CFAP299: variants seen among roughly 807,000 people sequenced by gnomAD.
The protein encoded by CFAP299 is cilia- and flagella-associated protein 299.
A neutral mutation model predicts 27.0 loss-of-function variants in CFAP299; 21 were observed. The ratio of observed to expected loss-of-function variants is 0.78; its 90% CI spans 0.55 to 1.12. The LOEUF is 1.12. Ranked by LOEUF, CFAP299 falls within the 50% of genes most tolerant of loss-of-function variation. CFAP299 has a pLI of 0.00. For synonymous variants in CFAP299, 104 were observed against 98.1 expected (o/e 1.06, Z -0.36); for missense variants, 310 against 276.6 (o/e 1.12, Z -0.86).
chr4:80,633,982 CTTTTTT>C, intron 3 of CFAP299, among the ~76,000 whole-genome samples: 1 of 115,166 alleles, frequency 8.7e-6, no homozygotes, highest in South Asian at 3.1e-4. Flanking sequence ...GAGGAGAAAA[CTTTTTT>C]TTTTTTTTTT....
At chr4:80,387,725 C>T (rs1265049403) in intron 2 of CFAP299, 3 of 1,582,966 alleles carry the variant, frequency 1.9e-6, no homozygotes, top group African/African-American at 2.7e-5. Context: ...GGCTTCTCAC[C>T]TGTGTGGCTT....
intron 3 of CFAP299, among the ~76,000 whole-genome samples, chr4:80,787,494 G>T (rs1727312107): frequency 6.6e-6 from 1 of 151,824 alleles, no homozygotes; most frequent in Non-Finnish European, 1.5e-5. Context: ...ATTCCTTCTT[G>T]ATTTCCTTAT....
intron 2 of CFAP299, among the ~76,000 whole-genome samples, chr4:80,486,794 G>A (rs1343877860): frequency 6.6e-6 from 1 of 152,206 alleles, no homozygotes; most frequent in Non-Finnish European, 1.5e-5. Flanking sequence ...TATAGCCTCT[G>A]TAGGGGGCAG....
At chr4:80,675,865 C>T (rs1312063643) in intron 3 of CFAP299, among the ~76,000 whole-genome samples, 2 of 152,232 alleles carry the variant, frequency 1.3e-5, no homozygotes, top group African/African-American at 2.4e-5. Context: ...GATATAATCT[C>T]TTCATGTGTT....
intron 3 of CFAP299, among the ~76,000 whole-genome samples, chr4:80,864,476 G>GTATACATATATACACATATA (rs1560452840): frequency 1.5e-5 from 2 of 131,494 alleles, no homozygotes; most frequent in Admixed American, 7.5e-5. Flanking sequence ...ATACCTATGT[G>GTATACATATATACACATATA]TATACATATA....
At position 80,815,818 on chromosome 4, in the gene CFAP299, G is replaced by T. The variant is rs116035703; in HGVS notation, c.334-54175G>T. Among the ~76,000 whole-genome samples the T allele has an allele frequency of 8.0e-4, 121 of 152,008 alleles. 1 individual carries two copies. Among genetic ancestry groups the T allele is most frequent in the Non-Finnish European group, 1.4e-3 (96 of 67,888 alleles). On this transcript the variant is annotated intron_variant, in intron 3 of 5. Coordinates refer to ENST00000358105, the MANE Select transcript of CFAP299 (RefSeq NM_152770.3). ...TGTACGTATGTATAAAATTGAATGCGTAAGTAAAGGGCTAGAAATAGATAC... is the reference window on the plus strand; with the variant it reads ...TGTACGTATGTATAAAATTGAATGCTTAAGTAAAGGGCTAGAAATAGATAC...
chr4:80,351,561 C>G (rs1723015542), intron 1 of CFAP299, among the ~76,000 whole-genome samples: 1 of 151,738 alleles, frequency 6.6e-6, no homozygotes, highest in African/African-American at 2.4e-5. Flanking sequence ...AATATCAAAG[C>G]AAATGGGACT....
Position 80,581,921 on chromosome 4 carries a change from T to C in CFAP299, c.243-1172T>C, listed in dbSNP as rs79219682. Among the ~76,000 whole-genome samples the C allele has an allele frequency of 2.0e-3, 304 of 152,000 alleles. 13 individuals are homozygous for C. The East Asian group carries it at 0.051, about 26-fold the overall frequency. Reference sequence around the variant, plus strand: ...CACACAAACCTTCCCTGAAAGGGGTTGTAAGAATGAGTTCTAAGACCAGAC... The same window carrying C: ...CACACAAACCTTCCCTGAAAGGGGTCGTAAGAATGAGTTCTAAGACCAGAC... On this transcript the variant is annotated intron_variant, in intron 2 of 5. Transcript: ENST00000358105.
chr4:80,358,976 T>G (rs1318329686), intron 1 of CFAP299, among the ~76,000 whole-genome samples: 1 of 152,198 alleles, frequency 6.6e-6, no homozygotes, highest in Non-Finnish European at 1.5e-5. Context: ...CTTTCCATAT[T>G]TATTGCTTCC....
Position 80,864,513 on chromosome 4 carries a change from T to TATATACGTATATATAC in CFAP299, c.334-5464_334-5449dup, listed in dbSNP as rs1477328088. 2.7e-5 allele frequency among the ~76,000 whole-genome samples: 4 copies of TATATACGTATATATAC among 147,514 alleles called. No homozygotes were observed. The East Asian group carries it at 7.8e-4, about 29-fold the overall frequency. On this transcript the variant is annotated intron_variant, in intron 3 of 5. Transcript: ENST00000358105. ...ACACATATATATACATATATACCTA[T>TATATACGTATATATAC]ATATACGTATATATACATATACGTA...
At chr4:80,644,623 T>G (rs981124919) in intron 3 of CFAP299, among the ~76,000 whole-genome samples, 1 of 152,188 alleles carries the variant, frequency 6.6e-6, no homozygotes, top group Non-Finnish European at 1.5e-5. Context: ...GTGGAAACAA[T>G]GTAAGTATTT....
chr4:80,871,042 G>A (rs1487771661), intron 4 of CFAP299: 11 of 435,726 alleles, frequency 2.5e-5, no homozygotes, highest in African/African-American at 6.5e-5. Context: ...ATGCAGCTGG[G>A]ACTACAGGCA....
In CFAP299 at chr4:80,428,189, T is replaced by C. The variant is rs115578753; in HGVS notation, c.242+65305T>C. Among the ~76,000 whole-genome samples, 1,129 of 152,364 alleles carry C rather than the reference T, an allele frequency of 7.4e-3. 9 individuals are homozygous for C. The highest frequency in any genetic ancestry group is 0.026 in the African/African-American group (1,076 of 41,590). On this transcript the variant is annotated intron_variant, in intron 2 of 5. Coordinates refer to ENST00000358105, the MANE Select transcript of CFAP299 (RefSeq NM_152770.3). The stretch of plus-strand genomic sequence containing the variant: ...CCTCTTTTGGTATCTATTCTGATGC[T>C]ATTATTCCTTGGCTACATACTATAT...
At chr4:80,787,291 A>G (rs1727303131) in intron 3 of CFAP299, among the ~76,000 whole-genome samples, 1 of 150,324 alleles carries the variant, frequency 6.7e-6, no homozygotes. Context: ...GTTAATCTCA[A>G]TTTCCCTTTT....
intron 3 of CFAP299, among the ~76,000 whole-genome samples, chr4:80,816,828 C>T (rs556216311): frequency 1.3e-5 from 2 of 152,000 alleles, no homozygotes; most frequent in African/African-American, 2.4e-5. Context: ...CTGCCACTAA[C>T]GATAGCAGAT....
chr4:80,889,198 T>A (rs538957557), intron 4 of CFAP299, among the ~76,000 whole-genome samples: 112 of 138,290 alleles, frequency 8.1e-4, no homozygotes, highest in African/African-American at 3.6e-3. Flanking sequence ...AAATAAAAGT[T>A]TTTTTTTAAA....
chr4:80,765,662 A>G (rs1050759987), intron 3 of CFAP299, among the ~76,000 whole-genome samples: 4 of 152,012 alleles, frequency 2.6e-5, no homozygotes, highest in African/African-American at 7.2e-5. Flanking sequence ...TGTGCACAAC[A>G]TGCAGGTTTG....
intron 2 of CFAP299, among the ~76,000 whole-genome samples, chr4:80,495,120 A>G (rs1333230101): frequency 6.6e-6 from 1 of 152,254 alleles, no homozygotes; most frequent in African/African-American, 2.4e-5. Context: ...TAAGGCATAT[A>G]TAGACAGGCT....
chr4:80,732,452 C>T (rs72864881), intron 3 of CFAP299, among the ~76,000 whole-genome samples: 11,101 of 152,154 alleles, frequency 0.073, 484 homozygotes, highest in Middle Eastern at 0.092. Flanking sequence ...GAAAATGTAT[C>T]TGAGTTTCCA....
Sources: allele counts gnomAD v4.1 joint callset (sites outside exome capture counted in the v4.1 genomes callset), GRCh38; gene constraint gnomAD v4.1.1; transcripts MANE v1.5; gene names NCBI Gene and HGNC (gene_info 2026-07-23, HGNC 2026-07-21).